The following CNOT11 variants were observed in gnomAD, a reference collection of about 807,000 sequenced individuals.
CNOT11 encodes CCR4-NOT transcription complex subunit 11, also known as UPF0760 protein C2orf29.
CNOT11 carries 18 observed loss-of-function variants against 44.6 expected under a neutral mutation model. That is an observed-to-expected ratio of 0.40 (90% CI 0.28 to 0.60). The LOEUF (loss-of-function observed/expected upper bound fraction) is 0.60. CNOT11 is among the 20% of genes least tolerant of loss of function. The pLI, the probability that CNOT11 is intolerant of heterozygous loss-of-function variation, is 0.38. For synonymous variants in CNOT11, 291 were observed against 270.9 expected (o/e 1.07, Z -0.73); for missense variants, 513 against 677.0 (o/e 0.76, Z 2.69).
chr2:101,269,058 T>A lies in CNOT11; in HGVS notation c.1257T>A (p.Asp419Glu), dbSNP rs1205207514. The change falls in exon 6 of 7, where the codon GAT becomes GAA. Residue 419 changes from aspartate to glutamate, a missense_variant. Asp to Glu is a conservative substitution (Grantham distance 45). Transcript: ENST00000289382. This position sits in a 1 kb window ranked among gnomAD's most constrained non-coding sequence, Gnocchi z 4.8. ...EVVNRLTTAV[D>E]LPPEFIHLYI... The stretch of plus-strand genomic sequence containing the variant: ...GAAACAGACTAACTACAGCTGTTGA[T>A]CTACCTCCTGAATTTATTCACCTTT... The A allele has an allele frequency of 6.2e-7, 1 of 1,607,592 alleles. No homozygotes were observed. The highest frequency in any genetic ancestry group is 8.5e-7 in the Non-Finnish European group (1 of 1,176,556).
Position 101,269,688 on chromosome 2 carries a change from C to CTT in CNOT11, c.*284_*285dup. 3 of 274,814 alleles carry CTT rather than the reference C, an allele frequency of 1.1e-5. No individual in the cohort carries two copies. Among genetic ancestry groups the CTT allele is most frequent in the East Asian group, 6.5e-5 (1 of 15,276 alleles). 17.0% of individuals were successfully genotyped at this position (274,814 alleles called of 1,614,324 possible). On this transcript the variant is annotated 3_prime_UTR_variant, in exon 7 of 7. Coordinates refer to ENST00000289382, the MANE Select transcript of CNOT11 (RefSeq NM_017546.5). This position sits in a 1 kb window ranked among gnomAD's most constrained non-coding sequence, Gnocchi z 4.8. Reference sequence around the variant, plus strand: ...GTTCCGCAAAAAAGTAGATGAGTTTCTTTTTTTTTTAAGCACTAAAGAACA... The same window carrying CTT: ...GTTCCGCAAAAAAGTAGATGAGTTTCTTTTTTTTTTTTAAGCACTAAAGAACA...
intron 4 of CNOT11, among the ~76,000 whole-genome samples, chr2:101,266,400 G>A (rs1267079449): frequency 6.6e-6 from 1 of 152,140 alleles, no homozygotes; most frequent in Non-Finnish European, 1.5e-5. Context: ...TGACCAGACA[G>A]TGTGGAGTCT....
chr2:101,256,579 T>C (rs182521589), intron 1 of CNOT11, among the ~76,000 whole-genome samples: 86 of 152,362 alleles, frequency 5.6e-4, no homozygotes, highest in African/African-American at 2.0e-3. Context: ...TGTAGCTGCA[T>C]TGTGTGTTGA....
chr2:101,259,507 C>T (rs1292508207), intron 2 of CNOT11, among the ~76,000 whole-genome samples: 1 of 152,180 alleles, frequency 6.6e-6, no homozygotes, highest in Non-Finnish European at 1.5e-5. Context: ...TTGGGCTTGC[C>T]TGCTGTCAGC....
chr2:101,266,647 T>C lies in CNOT11; in HGVS notation c.1036-30T>C, dbSNP rs377628103. 53 of 1,555,426 alleles carry C rather than the reference T, an allele frequency of 3.4e-5. No individual in the cohort carries two copies. In the African/African-American group the frequency reaches 6.4e-4, roughly 19 times the overall value. ...ACTCAACACCCTTTCTCTCTCCCTC[T>C]CTCTCTCTTTAAAAATCTGGTGTAT... is the stretch of plus-strand genomic sequence containing the variant. On this transcript the variant is annotated intron_variant, in intron 4 of 6. Transcript: ENST00000289382.
In CNOT11 at chr2:101,252,899, G is replaced by A. The variant is rs1338429877; in HGVS notation, c.-66G>A. ...TCGTGTAACAGCGCGCTTTACGGCC[G>A]CGGGGACGGAGCGAGCCGGCGCCAG... On this transcript the variant is annotated 5_prime_UTR_variant, in exon 1 of 7. Transcript: ENST00000289382. The A allele has an allele frequency of 5.2e-6, 7 of 1,353,622 alleles. No homozygotes were observed. The highest frequency in any genetic ancestry group is 5.7e-6 in the Non-Finnish European group (6 of 1,055,128). 83.9% of individuals were successfully genotyped at this position (1,353,622 alleles called of 1,614,324 possible).
chr2:101,269,890 A>G lies in CNOT11; in HGVS notation c.*477A>G, dbSNP rs1355018939. 1 of 154,400 alleles carries G rather than the reference A, an allele frequency of 6.5e-6. No individual in the cohort carries two copies. Among genetic ancestry groups the G allele is most frequent in the Non-Finnish European group, 1.4e-5 (1 of 69,606 alleles). 9.6% of individuals were successfully genotyped at this position (154,400 alleles called of 1,614,324 possible). ...GTTTGTTTCTTGAACCTGCTTATGCACACAGCTCTTAACTCCTCATGAGGC... is the reference window on the plus strand; with the variant it reads ...GTTTGTTTCTTGAACCTGCTTATGCGCACAGCTCTTAACTCCTCATGAGGC... On this transcript the variant is annotated 3_prime_UTR_variant, in exon 7 of 7. Transcript: ENST00000289382. The surrounding 1 kb of genome is among the most constrained non-coding windows in gnomAD (Gnocchi z 4.8).
intron 1 of CNOT11, among the ~76,000 whole-genome samples, chr2:101,254,616 C>T (rs978001118): frequency 1.3e-5 from 2 of 152,140 alleles, no homozygotes; most frequent in Non-Finnish European, 2.9e-5. Flanking sequence ...CTAGGTGGCT[C>T]ACGCCTATAA....
intron 4 of CNOT11, among the ~76,000 whole-genome samples, chr2:101,265,449 G>A (rs1681960262): frequency 1.3e-5 from 2 of 151,960 alleles, no homozygotes; most frequent in African/African-American, 2.4e-5. Flanking sequence ...TTTTTGGAAA[G>A]TGGTAAGCAA....
Position 101,252,919 on chromosome 2 carries a change from C to G in CNOT11, c.-46C>G. 3 of 1,390,676 alleles carry G rather than the reference C, an allele frequency of 2.2e-6. No individual in the cohort carries two copies. In the South Asian group the frequency reaches 4.8e-5, roughly 22 times the overall value. The allele number at this position is 1,390,676 out of a possible 1,614,324, so 86.1% of individuals were successfully genotyped here. ...CGGCCGCGGGGACGGAGCGAGCCGG[C>G]GCCAGGGCCCCTCGGGCCGGGAAGA... On this transcript the variant is annotated 5_prime_UTR_variant, in exon 1 of 7. Transcript: ENST00000289382.
At chr2:101,265,116 T>C (rs988759316) in intron 4 of CNOT11, 69 bp downstream of exon 4, 43 of 1,185,262 alleles carry the variant, frequency 3.6e-5, no homozygotes, top group Non-Finnish European at 4.4e-5. Context: ...AAAATTTGTT[T>C]TTGAGACAGA....
chr2:101,265,076 T>C lies in CNOT11; in HGVS notation c.1035+29T>C, dbSNP rs777278666. The C allele has an allele frequency of 3.4e-5, 47 of 1,400,952 alleles. No homozygotes were observed. The East Asian group carries it at 8.3e-4, about 25-fold the overall frequency. The allele number at this position is 1,400,952 out of a possible 1,614,324, so 86.8% of individuals were successfully genotyped here. A position where few individuals can be genotyped will look rare whatever the true frequency, so the allele number is the denominator to read the frequency against. ...TGTATTGATTGTAAGCATTTTCTTA[T>C]CTTTTTTTTTAAATTTATTTTTAAT... On this transcript the variant is annotated intron_variant, in intron 4 of 6. Coordinates refer to ENST00000289382, the MANE Select transcript of CNOT11 (RefSeq NM_017546.5).
intron 2 of CNOT11, 90 bp from the exon 3 acceptor site, chr2:101,262,449 T>C (rs1394629205): frequency 2.5e-6 from 3 of 1,181,120 alleles, no homozygotes; most frequent in Admixed American, 2.0e-5. Flanking sequence ...CCTTTGTTTT[T>C]CTCTGTTACA....
rs1439298301 is a variant in CNOT11 at position 101,262,528 on chromosome 2, C to G, written c.680-11C>G. The G allele has an allele frequency of 1.2e-6, 2 of 1,613,302 alleles. No individual in the cohort carries two copies. Among genetic ancestry groups the G allele is most frequent in the African/African-American group, 2.7e-5 (2 of 74,838 alleles). On this transcript the variant is annotated splice_polypyrimidine_tract_variant and intron_variant, in intron 2 of 6. Transcript: ENST00000289382. Reference sequence around the variant, plus strand: ...TGATGTCCATAATTTTAAAATGTCTCCTATTTCCAGAACGCCAATCTGAAT... The same window carrying G: ...TGATGTCCATAATTTTAAAATGTCTGCTATTTCCAGAACGCCAATCTGAAT...
intron 2 of CNOT11, among the ~76,000 whole-genome samples, chr2:101,260,799 G>A (rs866773489): frequency 6.7e-6 from 1 of 150,006 alleles, no homozygotes; most frequent in South Asian, 2.1e-4. Context: ...CCACTTACTA[G>A]TTTACCAAAC....
rs146213096 is a variant in CNOT11, at chr2:101,268,600, A to C, written c.1239-440A>C. On this transcript the variant is annotated intron_variant, in intron 5 of 6. Transcript: ENST00000289382. ...TTGAAAAAAGTTTTGAGGTCTGTTAAGTTTAGAAAAGGCAGCATATATTAA... is the reference window on the plus strand; with the variant it reads ...TTGAAAAAAGTTTTGAGGTCTGTTACGTTTAGAAAAGGCAGCATATATTAA... Among the ~76,000 whole-genome samples, 98 of 152,322 alleles carry C rather than the reference A, an allele frequency of 6.4e-4. No homozygotes were observed. In the Middle Eastern group the frequency reaches 0.014, roughly 21 times the overall value.
At chr2:101,256,136 C>CAA (rs34000200) in intron 1 of CNOT11, among the ~76,000 whole-genome samples, 3,478 of 138,574 alleles carry the variant, frequency 0.025, 120 homozygotes, top group African/African-American at 0.076. Context: ...GAGACTGCCT[C>CAA]AAAAAAAAAA....
chr2:101,269,187 G>A lies in CNOT11; in HGVS notation c.1336-29G>A, dbSNP rs1338589474. 1 of 1,603,746 alleles carries A rather than the reference G, an allele frequency of 6.2e-7. No homozygotes were observed. Among genetic ancestry groups the A allele is most frequent in the Non-Finnish European group, 8.5e-7 (1 of 1,173,670 alleles). On this transcript the variant is annotated intron_variant, in intron 6 of 6. Transcript: ENST00000289382. This position sits in a 1 kb window ranked among gnomAD's most constrained non-coding sequence, Gnocchi z 4.8. ...TAAATGGCTGCCAGGAAAATGAGCAGACTAACATTTTTTTTTTTCCTTTTT... is the reference window on the plus strand; with the variant it reads ...TAAATGGCTGCCAGGAAAATGAGCAAACTAACATTTTTTTTTTTCCTTTTT...
Position 101,264,832 on chromosome 2 carries a change from G to A in CNOT11, c.833-13G>A. Reference sequence around the variant, plus strand: ...CTTCCTGATAGGAGCAACTATCACGGCTCTCATTACAGGCCATTTTCGACC... The same window carrying A: ...CTTCCTGATAGGAGCAACTATCACGACTCTCATTACAGGCCATTTTCGACC... On this transcript the variant is annotated splice_polypyrimidine_tract_variant and intron_variant, in intron 3 of 6. Transcript: ENST00000289382. 6.2e-7 allele frequency: 1 copy of A among 1,611,080 alleles called. No individual in the cohort carries two copies. Among genetic ancestry groups the A allele is most frequent in the Non-Finnish European group, 8.5e-7 (1 of 1,177,482 alleles).
Sources: allele counts gnomAD v4.1 joint callset (sites outside exome capture counted in the v4.1 genomes callset), GRCh38; gene constraint gnomAD v4.1.1; non-coding constraint Gnocchi (gnomAD v3.1); transcripts MANE v1.5; gene names NCBI Gene and HGNC (gene_info 2026-07-23, HGNC 2026-07-21).